The following EYS variants were observed in gnomAD, a reference collection of about 807,000 sequenced individuals.
EYS encodes the protein protein eyes shut homolog.
Under a neutral mutation model 282.1 loss-of-function variants are expected in EYS, and 250 were observed. The ratio of observed to expected loss-of-function variants is 0.89; its 90% CI spans 0.80 to 0.98. EYS has a LOEUF of 0.98. Ranked by LOEUF, EYS falls within the 50% of genes least tolerant of loss-of-function variation. The pLI, the probability that EYS is intolerant of heterozygous loss-of-function variation, is 0.00. For missense variants in EYS, 4,016 were observed against 3,709.0 expected, an observed-to-expected ratio of 1.08 and a Z score of -2.15; for synonymous variants, 1,355 against 1,282.9, an observed-to-expected ratio of 1.06 and a Z score of -1.20.
chr6:64,896,556 T>G (rs1003370358), intron 18 of EYS, among the ~76,000 whole-genome samples: 1,558 of 151,796 alleles, frequency 0.01, 20 homozygotes, highest in African/African-American at 0.032. Flanking sequence ...TTTTTTTTTT[T>G]TTTTTTTCGT....
intron 26 of EYS, among the ~76,000 whole-genome samples, chr6:64,545,255 A>G (rs1250562756): frequency 6.6e-6 from 1 of 152,150 alleles, no homozygotes; most frequent in African/African-American, 2.4e-5. Context: ...TATAAACAGA[A>G]CCAACGACAA....
intron 18 of EYS, among the ~76,000 whole-genome samples, chr6:64,888,792 T>C (rs772974276): frequency 1.3e-5 from 2 of 152,066 alleles, no homozygotes; most frequent in Non-Finnish European, 2.9e-5. Flanking sequence ...TTGTTAATAA[T>C]ACTGTCTTTG....
chr6:65,393,274 T>C (rs1406515872), intron 7 of EYS, among the ~76,000 whole-genome samples: 1 of 152,150 alleles, frequency 6.6e-6, no homozygotes, highest in African/African-American at 2.4e-5. Context: ...TATACATACG[T>C]AACTAACCTG....
chr6:63,962,591 A>C (rs1277148982), intron 35 of EYS, among the ~76,000 whole-genome samples: 3 of 152,226 alleles, frequency 2.0e-5, no homozygotes, highest in Admixed American at 6.5e-5. Flanking sequence ...AATGGTGATC[A>C]TTAAAAAGTC....
intron 1 of EYS, among the ~76,000 whole-genome samples, chr6:65,691,380 C>A (rs1769236351): frequency 1.3e-5 from 2 of 150,272 alleles, no homozygotes; most frequent in African/African-American, 4.9e-5. Flanking sequence ...TAAATATCTT[C>A]TTTTGAGAAG....
intron 31 of EYS, among the ~76,000 whole-genome samples, chr6:64,219,848 G>T (rs1384714194): frequency 6.6e-6 from 1 of 152,120 alleles, no homozygotes; most frequent in East Asian, 1.9e-4. Context: ...ACACTATGCA[G>T]CCATAAAAAA....
At chr6:64,443,229 G>T (rs1283299116) in intron 26 of EYS, among the ~76,000 whole-genome samples, 1 of 152,080 alleles carries the variant, frequency 6.6e-6, no homozygotes, top group Non-Finnish European at 1.5e-5. Flanking sequence ...TTTTGGACTT[G>T]CATGGGACCT....
chr6:64,708,803 T>G (rs1771114477), intron 22 of EYS, among the ~76,000 whole-genome samples: 1 of 152,206 alleles, frequency 6.6e-6, no homozygotes, highest in Admixed American at 6.5e-5. Context: ...AAATGTGAAG[T>G]TGTGATGCCT....
At chr6:63,799,851 T>C (rs552417528) in intron 37 of EYS, among the ~76,000 whole-genome samples, 3 of 152,322 alleles carry the variant, frequency 2.0e-5, no homozygotes, top group East Asian at 3.9e-4. Flanking sequence ...ATTACATGAA[T>C]GAGTAGGTAC....
chr6:64,962,765 A>G (rs1769967814), intron 14 of EYS, among the ~76,000 whole-genome samples: 1 of 152,066 alleles, frequency 6.6e-6, no homozygotes, highest in African/African-American at 2.4e-5. Flanking sequence ...ACAACCCTCA[A>G]AAAAAGAGAG....
intron 13 of EYS, among the ~76,000 whole-genome samples, chr6:65,014,203 A>C (rs891072854): frequency 3.3e-5 from 5 of 152,166 alleles, no homozygotes; most frequent in African/African-American, 1.2e-4. Flanking sequence ...CAAGGAAGTA[A>C]ATTTTACCAA....
At chr6:65,083,524 T>C (rs1283103960) in intron 12 of EYS, among the ~76,000 whole-genome samples, 1 of 152,008 alleles carries the variant, frequency 6.6e-6, no homozygotes, top group Non-Finnish European at 1.5e-5. Context: ...AATTGATTTA[T>C]ATTCAATGAT....
At chr6:65,182,600 C>G (rs1271337537) in intron 12 of EYS, among the ~76,000 whole-genome samples, 2 of 151,758 alleles carry the variant, frequency 1.3e-5, no homozygotes, top group African/African-American at 4.8e-5. Context: ...AAAACACACA[C>G]TCAATCATAA....
At chr6:65,256,454 A>G (rs1479009897) in intron 12 of EYS, among the ~76,000 whole-genome samples, 5 of 129,930 alleles carry the variant, frequency 3.8e-5, no homozygotes, top group African/African-American at 1.5e-4. Context: ...AGAGTGTGAT[A>G]TTCCCCTTCC....
chr6:65,704,589 T>C (rs1334899368), intron 1 of EYS, among the ~76,000 whole-genome samples: 2 of 152,232 alleles, frequency 1.3e-5, no homozygotes, highest in Non-Finnish European at 2.9e-5. Context: ...TAGACTGTTA[T>C]ACATTTATAA....
rs79277083 is a variant in EYS at position 65,178,287 on chromosome 6, C to T, written c.2023+117576G>A. Among the ~76,000 whole-genome samples, 711 of 152,024 alleles carry T rather than the reference C, an allele frequency of 4.7e-3. 3 individuals are homozygous for T. The highest frequency in any genetic ancestry group is 0.015 in the African/African-American group (629 of 41,528). ...TGTTGCTCCCTTGCAACGTACTGTT[C>T]CCTTTTCTCTAATAAATCTGTCTTT... On this transcript the variant is annotated intron_variant, in intron 12 of 42. Coordinates refer to ENST00000503581, the MANE Select transcript of EYS (RefSeq NM_001142800.2).
intron 19 of EYS, among the ~76,000 whole-genome samples, chr6:64,846,353 G>C (rs570636604): frequency 3.3e-5 from 5 of 152,036 alleles, no homozygotes; most frequent in Admixed American, 2.6e-4. Context: ...TACTGTTCAC[G>C]TTCTCAAGAC....
intron 8 of EYS, among the ~76,000 whole-genome samples, chr6:65,357,341 T>C (rs1764525531): frequency 1.3e-5 from 2 of 152,008 alleles, no homozygotes; most frequent in Non-Finnish European, 2.9e-5. Context: ...ATGAAATACA[T>C]TCCTGGCCTT....
chr6:64,890,536 C>T (rs769303758), intron 18 of EYS, among the ~76,000 whole-genome samples: 11 of 152,086 alleles, frequency 7.2e-5, no homozygotes, highest in Admixed American at 5.9e-4. Flanking sequence ...AAAGAACCTA[C>T]GTGAATATCA....
Sources: allele counts gnomAD v4.1 joint callset (sites outside exome capture counted in the v4.1 genomes callset), GRCh38; gene constraint gnomAD v4.1.1; transcripts MANE v1.5; gene names NCBI Gene and HGNC (gene_info 2026-07-23, HGNC 2026-07-21).